The following PALMD variants were observed in gnomAD, a reference collection of about 807,000 sequenced individuals.
PALMD encodes paralemmin-like protein.
Under a neutral mutation model 56.2 loss-of-function variants are expected in PALMD, and 42 were observed. That is an observed-to-expected ratio of 0.75 (90% CI 0.58 to 0.97). The LOEUF is 0.97. Ranked by LOEUF, PALMD falls within the 50% of genes least tolerant of loss-of-function variation. PALMD has a pLI of 0.00. For synonymous variants in PALMD, 242 were observed against 222.9 expected, an observed-to-expected ratio of 1.09 and a Z score of -0.76; for missense variants, 660 against 643.8, an observed-to-expected ratio of 1.03 and a Z score of -0.27.
rs1185635434 is a variant in PALMD, at chr1:99,652,707, AAAG to A, written c.45+6348_45+6350del. On this transcript the variant is annotated intron_variant, in intron 1 of 7. Transcript: ENST00000263174. Reference sequence around the variant, plus strand: ...AAGGAAAGGAAAGGAAAAGAAAAGAAAAGAAAAGAAAAGAAAAGAAAAGAAAAG... The same window carrying A: ...AAGGAAAGGAAAGGAAAAGAAAAGAAAAAAGAAAAGAAAAGAAAAGAAAAG... 3.5e-4 allele frequency among the ~76,000 whole-genome samples: 33 copies of A among 95,618 alleles called. 1 individual carries two copies. Among genetic ancestry groups the A allele is most frequent in the African/African-American group, 1.1e-3 (30 of 26,762 alleles). 62.7% of individuals were successfully genotyped at this position (95,618 alleles called of 152,430 possible).
rs971333011 is a variant in PALMD, at chr1:99,646,120, GTGTC to G, written c.-191_-188del. 3.3e-5 allele frequency: 19 copies of G among 581,424 alleles called. No individual in the cohort carries two copies. Among genetic ancestry groups the G allele is most frequent in the Non-Finnish European group, 5.5e-5 (18 of 325,428 alleles). The allele number at this position is 581,424 out of a possible 1,614,324, so 36.0% of individuals were successfully genotyped here. A position where few individuals can be genotyped will look rare whatever the true frequency, so the allele number is the denominator to read the frequency against. ...CCTCCCCAGCACACCCTCATTACAT[GTGTC>G]TGTCTGGCCTGATCTGTGCATCTGC... On this transcript the variant is annotated 5_prime_UTR_variant, in exon 1 of 8. The change creates a premature stop within an existing upstream ORF in the 5' untranslated region. Coordinates refer to ENST00000263174, the MANE Select transcript of PALMD (RefSeq NM_017734.5).
At chr1:99,681,858 C>G (rs1653354568) in intron 3 of PALMD, among the ~76,000 whole-genome samples, 1 of 152,180 alleles carries the variant, frequency 6.6e-6, no homozygotes, top group South Asian at 2.1e-4. Flanking sequence ...GGTTACGAAC[C>G]ACTGTACTAG....
chr1:99,669,141 G>T (rs748957416), intron 3 of PALMD: 1 of 152,178 alleles, frequency 6.6e-6, no homozygotes, highest in Non-Finnish European at 1.5e-5. Flanking sequence ...CATGAAGAAA[G>T]TCTTCCTCTC....
rs1202020551 is a variant in PALMD at position 99,689,185 on chromosome 1, C to T, written c.925C>T (p.Leu309Phe). Residue 309 changes from leucine (L) to phenylalanine (F), a missense_variant, in exon 7 of 8, where the codon CTT (leucine) becomes TTT (phenylalanine). Leu to Phe is a conservative substitution (Grantham distance 22). Transcript: ENST00000263174. Reference sequence around the variant, plus strand: ...ATCCATACACAATATGGGCAATGGTCTTTCAGAGGAAAGGGGAAACAACTT... The same window carrying T: ...ATCCATACACAATATGGGCAATGGTTTTTCAGAGGAAAGGGGAAACAACTT... The part of the protein sequence containing the change: ...NESIHNMGNG[L>F]SEERGNNFNH... 2 of 1,613,490 alleles carry T rather than the reference C, an allele frequency of 1.2e-6. No homozygotes were observed. The highest frequency in any genetic ancestry group is 3.3e-5 in the Admixed American group (2 of 59,910).
chr1:99,664,355 AG>A (rs1179055250), intron 2 of PALMD, among the ~76,000 whole-genome samples: 2 of 152,244 alleles, frequency 1.3e-5, no homozygotes, highest in African/African-American at 4.8e-5. Context: ...ACTGGTAAGT[AG>A]AATTTATATG....
chr1:99,666,189 C>CTA (rs990118072), intron 2 of PALMD, among the ~76,000 whole-genome samples: 98 of 151,892 alleles, frequency 6.5e-4, no homozygotes, highest in African/African-American at 2.3e-3. Flanking sequence ...GTTTTCCAAA[C>CTA]TATAGTTCCA....
chr1:99,657,123 T>G (rs1165433734), intron 1 of PALMD, among the ~76,000 whole-genome samples: 1 of 152,170 alleles, frequency 6.6e-6, no homozygotes. Flanking sequence ...TCATAAAAAA[T>G]GTCTCTCATC....
intron 1 of PALMD, among the ~76,000 whole-genome samples, chr1:99,660,435 A>G (rs1449214515): frequency 6.6e-6 from 1 of 152,212 alleles, no homozygotes; most frequent in African/African-American, 2.4e-5. Context: ...TGTTATGACA[A>G]GTATTAAGTA....
At chr1:99,680,343 C>CT (rs1653311047) in intron 3 of PALMD, among the ~76,000 whole-genome samples, 1 of 152,054 alleles carries the variant, frequency 6.6e-6, no homozygotes, top group African/African-American at 2.4e-5. Context: ...AAATAACCCT[C>CT]TTTTTCCCCA....
chr1:99,690,005 C>A, intron 7 of PALMD, 133 bp downstream of exon 7: 1 of 707,392 alleles, frequency 1.4e-6, no homozygotes, highest in Non-Finnish European at 2.3e-6. Flanking sequence ...TTTATTAATG[C>A]TGATAGAGAT....
intron 1 of PALMD, among the ~76,000 whole-genome samples, chr1:99,654,041 A>G (rs964507135): frequency 3.3e-5 from 5 of 152,186 alleles, no homozygotes; most frequent in African/African-American, 9.6e-5. Context: ...ATATTTGGAA[A>G]GCAATAAGGA....
chr1:99,670,050 C>G (rs1456766836), intron 3 of PALMD, among the ~76,000 whole-genome samples: 1 of 152,204 alleles, frequency 6.6e-6, no homozygotes, highest in Non-Finnish European at 1.5e-5. Context: ...ACAGCAGCCT[C>G]TGTGGACTGA....
At chr1:99,658,688 G>T (rs1030609424) in intron 1 of PALMD, among the ~76,000 whole-genome samples, 1 of 151,640 alleles carries the variant, frequency 6.6e-6, no homozygotes, top group Non-Finnish European at 1.5e-5. Flanking sequence ...GGAGAATGGC[G>T]TGAATCTGGG....
rs77590656 is a variant in PALMD at position 99,672,554 on chromosome 1, T to A, written c.251+4788T>A. 2.4e-3 allele frequency among the ~76,000 whole-genome samples: 371 copies of A among 152,224 alleles called. 2 individuals are homozygous for A. The highest frequency in any genetic ancestry group is 8.7e-3 in the African/African-American group (362 of 41,550). On this transcript the variant is annotated intron_variant, in intron 3 of 7. Coordinates refer to ENST00000263174, the MANE Select transcript of PALMD (RefSeq NM_017734.5). Reference sequence around the variant, plus strand: ...CCCAAAATGACACCCCCAGTAAGTCTCCATAGGAGGTATGCCCCCAGCAAC... The same window carrying A: ...CCCAAAATGACACCCCCAGTAAGTCACCATAGGAGGTATGCCCCCAGCAAC...
At chr1:99,659,613 G>A (rs1029947695) in intron 1 of PALMD, among the ~76,000 whole-genome samples, 2 of 152,164 alleles carry the variant, frequency 1.3e-5, no homozygotes, top group African/African-American at 4.8e-5. Flanking sequence ...ACTAGCAATC[G>A]AGCTAGATAA....
chr1:99,656,209 C>T (rs1652721736), intron 1 of PALMD, among the ~76,000 whole-genome samples: 1 of 152,112 alleles, frequency 6.6e-6, no homozygotes, highest in South Asian at 2.1e-4. Flanking sequence ...GTAAATTGCC[C>T]ATGCCTTATA....
Position 99,689,330 on chromosome 1 carries a change from T to G in PALMD, c.1070T>G (p.Met357Arg). The G allele has an allele frequency of 6.2e-7, 1 of 1,613,642 alleles. No homozygotes were observed. The highest frequency in any genetic ancestry group is 8.5e-7 in the Non-Finnish European group (1 of 1,179,844). ...ACTCCTTGGGAAGAATCGAATGTCATGCAGGACAAAGATGCACCCTCTCCA... is the reference window on the plus strand; with the variant it reads ...ACTCCTTGGGAAGAATCGAATGTCAGGCAGGACAAAGATGCACCCTCTCCA... ...LMTPWEESNV[M>R]QDKDAPSPKP... Residue 357 changes from methionine (M) to arginine (R), a missense_variant, in exon 7 of 8, where the codon ATG (methionine) becomes AGG (arginine). Coordinates refer to ENST00000263174, the MANE Select transcript of PALMD (RefSeq NM_017734.5).
At chr1:99,662,507 A>G (rs369325005) in intron 2 of PALMD, 108 bp downstream of exon 2, 3 of 699,718 alleles carry the variant, frequency 4.3e-6, no homozygotes, top group East Asian at 2.7e-5. Flanking sequence ...ATTTCAAGAT[A>G]GTTTGACTAA....
chr1:99,685,700 C>T (rs994831675), intron 3 of PALMD: 4 of 152,192 alleles, frequency 2.6e-5, no homozygotes, highest in African/African-American at 9.6e-5. Context: ...TTAGCTGACA[C>T]GAATATCCAC....
Sources: gnomAD v4.1 joint callset for allele counts (sites outside exome capture counted in the v4.1 genomes callset) on GRCh38, gnomAD v4.1.1 for gene constraint, MANE v1.5 for transcripts, NCBI Gene and HGNC (gene_info 2026-07-23, HGNC 2026-07-21) for gene names.